The following RPP30 variants were observed in gnomAD, a reference collection of about 807,000 sequenced individuals.
The protein encoded by RPP30 is ribonuclease P protein subunit p30.
Under a neutral mutation model 38.6 loss-of-function variants are expected in RPP30, and 36 were observed. The observed-to-expected ratio is 0.93, with a 90% confidence interval of 0.71 to 1.23. The LOEUF is 1.23. RPP30 is among the 50% of genes most tolerant of loss of function. The pLI, the probability that RPP30 is intolerant of heterozygous loss-of-function variation, is 0.00. For missense variants in RPP30, 321 were observed against 321.7 expected (o/e 1.00, Z 0.02); for synonymous variants, 126 against 112.7 (o/e 1.12, Z -0.75).
chr10:90,884,232 A>G (rs550953656), intron 5 of RPP30, among the ~76,000 whole-genome samples: 1 of 152,318 alleles, frequency 6.6e-6, no homozygotes, highest in African/African-American at 2.4e-5. Flanking sequence ...GAGTCTCTGC[A>G]CTTATAGAGA....
rs372251931 is a variant in RPP30, at chr10:90,900,540, A to C, written c.698-30A>C. 3.8e-6 allele frequency: 6 copies of C among 1,592,864 alleles called. No homozygotes were observed. In the African/African-American group the frequency reaches 8.1e-5, roughly 22 times the overall value. On this transcript the variant is annotated intron_variant, in intron 10 of 10. Coordinates refer to ENST00000371703, the MANE Select transcript of RPP30 (RefSeq NM_006413.5). ...CATTTTAAATTATGTCTTAACTTCA[A>C]GCACAGTGGTTTCCCTGTTTGTTTT... is the stretch of plus-strand genomic sequence containing the variant.
chr10:90,878,951 A>AGTT (rs2120189509), intron 4 of RPP30, 112 bp from the exon 5 acceptor site: 1 of 712,352 alleles, frequency 1.4e-6, no homozygotes, highest in Non-Finnish European at 2.1e-6. Flanking sequence ...CAGAAATGTC[A>AGTT]GTATATTAGA....
chr10:90,897,838 T>C (rs1847158936), intron 10 of RPP30, among the ~76,000 whole-genome samples: 1 of 152,122 alleles, frequency 6.6e-6, no homozygotes, highest in African/African-American at 2.4e-5. Context: ...ATTTATGGGG[T>C]ACTGAGATAT....
At chr10:90,878,148 A>G (rs967003240) in intron 4 of RPP30, among the ~76,000 whole-genome samples, 5 of 152,150 alleles carry the variant, frequency 3.3e-5, no homozygotes, top group Non-Finnish European at 5.9e-5. Flanking sequence ...TGTCTCCTTC[A>G]CAAGTGGGAG....
chr10:90,899,105 T>G (rs982984353), intron 10 of RPP30, among the ~76,000 whole-genome samples: 8 of 152,272 alleles, frequency 5.3e-5, no homozygotes, highest in African/African-American at 1.9e-4. Context: ...ATGCATTTTG[T>G]TAAAAAGTGC....
At chr10:90,898,385 G>A (rs912278000) in intron 10 of RPP30, among the ~76,000 whole-genome samples, 3 of 152,060 alleles carry the variant, frequency 2.0e-5, no homozygotes, top group South Asian at 2.1e-4. Flanking sequence ...CCTGGTTTTC[G>A]TTGCCATTGG....
intron 10 of RPP30, among the ~76,000 whole-genome samples, chr10:90,897,264 A>G (rs1309687359): frequency 1.3e-5 from 2 of 152,222 alleles, no homozygotes; most frequent in Non-Finnish European, 2.9e-5. Flanking sequence ...AAGCAATTTC[A>G]TTGATATCAC....
At chr10:90,874,976 CTGTT>C (rs1299235955) in intron 2 of RPP30, 52 bp downstream of exon 2, 3 of 1,160,252 alleles carry the variant, frequency 2.6e-6, no homozygotes, top group African/African-American at 1.6e-5. Context: ...ATTTGTAATT[CTGTT>C]TGTATTGGTA....
At chr10:90,904,158 G>C (rs1227761288), downstream of RPP30, among the ~76,000 whole-genome samples, 1 of 152,198 alleles carries the variant, frequency 6.6e-6, no homozygotes, top group Non-Finnish European at 1.5e-5. Flanking sequence ...CAAAACTCTA[G>C]TACTGTAATT....
downstream of RPP30, among the ~76,000 whole-genome samples, chr10:90,904,330 T>C (rs1322829532): frequency 6.6e-6 from 1 of 152,156 alleles, no homozygotes; most frequent in Admixed American, 6.5e-5. Context: ...GTTAAGTGCA[T>C]AGGGGAAAGA....
intron 5 of RPP30, among the ~76,000 whole-genome samples, chr10:90,883,833 G>A (rs1255100779): frequency 2.0e-5 from 3 of 152,152 alleles, no homozygotes; most frequent in Non-Finnish European, 2.9e-5. Flanking sequence ...GTACTGAAAA[G>A]TATGCCTTAC....
chr10:90,894,817 G>C lies in RPP30; in HGVS notation c.475G>C (p.Ala159Pro), dbSNP rs758345797. The change falls in exon 7 of 11, where the codon GCT becomes CCT. Residue 159 changes from alanine (A) to proline (P), a missense_variant. Transcript: ENST00000371703. ...GGCTTTTGAACTTGTCTATAGCCCT[G>C]CTATCAAAGACTCCACAATGAGAAG... is the stretch of plus-strand genomic sequence containing the variant. Reference protein sequence around the residue: ...GLAFELVYSPAIKDSTMRRYT... With the variant: ...GLAFELVYSPPIKDSTMRRYT... 5 of 1,613,376 alleles carry C rather than the reference G, an allele frequency of 3.1e-6. No individual in the cohort carries two copies. The highest frequency in any genetic ancestry group is 2.7e-5 in the African/African-American group (2 of 74,868).
intron 4 of RPP30, 149 bp downstream of exon 4, chr10:90,876,247 TCA>T: frequency 6.7e-6 from 4 of 593,690 alleles, no homozygotes; most frequent in South Asian, 5.9e-5. Flanking sequence ...TCCTCAGAAT[TCA>T]CACAGTGTAA....
At chr10:90,872,245 G>C in intron 1 of RPP30, 177 bp downstream of exon 1, 2 of 615,310 alleles carry the variant, frequency 3.3e-6, no homozygotes, top group South Asian at 2.0e-5. Flanking sequence ...GAAACTCGAA[G>C]GTTCTGGGGG....
chr10:90,897,892 T>C (rs948306576), intron 10 of RPP30, among the ~76,000 whole-genome samples: 2 of 152,186 alleles, frequency 1.3e-5, no homozygotes, highest in Non-Finnish European at 2.9e-5. Flanking sequence ...TCATGGAAAA[T>C]GGGGTGTCCA....
At chr10:90,907,209 C>T (rs148175022), downstream of RPP30, among the ~76,000 whole-genome samples, 1,580 of 152,274 alleles carry the variant, frequency 0.01, 9 homozygotes, top group Non-Finnish European at 0.015. Context: ...TGAAGTTATG[C>T]CACATGAGAC....
At chr10:90,888,200 A>T (rs1001351790) in intron 6 of RPP30, among the ~76,000 whole-genome samples, 9 of 152,202 alleles carry the variant, frequency 5.9e-5, no homozygotes, top group African/African-American at 1.9e-4. Context: ...CTTCATCTTA[A>T]TGAACTAGGA....
chr10:90,894,817 G>T lies in RPP30; in HGVS notation c.475G>T (p.Ala159Ser). The change falls in exon 7 of 11, where the codon GCT becomes TCT. Residue 159 changes from alanine to serine, a missense_variant. Ala to Ser is a moderately conservative substitution (Grantham distance 99). Transcript: ENST00000371703. ...GLAFELVYSPAIKDSTMRRYT... is the reference protein window; with the variant it reads ...GLAFELVYSPSIKDSTMRRYT... ...GGCTTTTGAACTTGTCTATAGCCCT[G>T]CTATCAAAGACTCCACAATGAGAAG... 6.2e-7 allele frequency: 1 copy of T among 1,613,494 alleles called. No individual in the cohort carries two copies. The highest frequency in any genetic ancestry group is 1.1e-5 in the South Asian group (1 of 91,056).
chr10:90,875,928 A>G (rs1846845833), intron 3 of RPP30, 96 bp from the exon 4 acceptor site: 1 of 729,100 alleles, frequency 1.4e-6, no homozygotes. Flanking sequence ...ACTATCCCTT[A>G]TAGCCAGTAC....
Sources: gnomAD v4.1 joint callset for allele counts (sites outside exome capture counted in the v4.1 genomes callset) on GRCh38, gnomAD v4.1.1 for gene constraint, MANE v1.5 for transcripts, NCBI Gene and HGNC (gene_info 2026-07-23, HGNC 2026-07-21) for gene names.